SLC7A10: variants seen among roughly 807,000 people sequenced by gnomAD.
SLC7A10 encodes the protein solute carrier family 7 member 10, also known as asc-type amino acid transporter 1.
SLC7A10 carries 30 observed loss-of-function variants against 52.7 expected under a neutral mutation model. The observed-to-expected ratio is 0.57, with a 90% CI of 0.43 to 0.77. The LOEUF (loss-of-function observed/expected upper bound fraction) is 0.77. Ranked by LOEUF, SLC7A10 falls within the 30% of genes least tolerant of loss-of-function variation. The probability of loss-of-function intolerance (pLI) is 0.00; values close to 1 mark genes in which losing one functional copy is unlikely to be tolerated. For missense variants in SLC7A10, 581 were observed against 698.5 expected (o/e 0.83, Z 1.90); for synonymous variants, 318 against 314.9 (o/e 1.01, Z -0.10).
chr19:33,220,160 C>T (rs1342410432), intron 1 of SLC7A10: 1 of 152,222 alleles, frequency 6.6e-6, no homozygotes, highest in Non-Finnish European at 1.5e-5. Context: ...GGGCAGCACC[C>T]CAAGGAGGTG....
chr19:33,217,343 A>AG (rs1555733542), intron 1 of SLC7A10, among the ~76,000 whole-genome samples: 1 of 152,166 alleles, frequency 6.6e-6, no homozygotes, highest in South Asian at 2.1e-4. Flanking sequence ...GGAAACATTC[A>AG]GGGGGGCCAA....
intron 1 of SLC7A10, among the ~76,000 whole-genome samples, 173 bp downstream of exon 1, chr19:33,225,380 C>T (rs1191841114): frequency 6.6e-6 from 1 of 152,228 alleles, no homozygotes; most frequent in African/African-American, 2.4e-5. Flanking sequence ...AGCTTTGGCA[C>T]CCTGGGCCAG....
At position 33,210,788 on chromosome 19, in the gene SLC7A10, GT is replaced by G. The variant is rs771357516; in HGVS notation, c.1113+13del. On this transcript the variant is annotated intron_variant, in intron 8 of 10. Coordinates refer to ENST00000253188, the MANE Select transcript of SLC7A10 (RefSeq NM_019849.3). This position sits in a 1 kb window ranked among gnomAD's most constrained non-coding sequence, Gnocchi z 5.6. ...TGCCTCCACGCCCTGCCTGGCCCAG[GT>G]CCCCCAACTTACACAGACGAGGAGG... 71 of 1,613,062 alleles carry G rather than the reference GT, an allele frequency of 4.4e-5. No homozygotes were observed. The highest frequency in any genetic ancestry group is 5.7e-5 in the Non-Finnish European group (67 of 1,179,722).
At chr19:33,215,686 G>C in intron 2 of SLC7A10, 83 bp downstream of exon 2, 1 of 1,385,474 alleles carries the variant, frequency 7.2e-7, no homozygotes, top group Non-Finnish European at 9.7e-7. Flanking sequence ...GCCGGAAGCA[G>C]GAGTGGAAAC....
intron 2 of SLC7A10, 46 bp downstream of exon 2, chr19:33,215,723 C>G: frequency 3.3e-6 from 5 of 1,532,896 alleles, no homozygotes; most frequent in Non-Finnish European, 4.4e-6. Context: ...TTGGCCATCC[C>G]ATTCCCAAGA....
rs74443956 is a variant in SLC7A10, at chr19:33,212,254, T to G, written c.788+38A>C. 2.5e-3 allele frequency: 3,930 copies of G among 1,571,796 alleles called. 84 individuals are homozygous for G. In the African/African-American group the frequency reaches 0.047, roughly 19 times the overall value. On this transcript the variant is annotated intron_variant, in intron 5 of 10. Transcript: ENST00000253188. ...AGGCTGCCTGTCCCACCAGAGGGCC[T>G]GGCTGCTTCCCAGGGCCCAGTTGGG...
In SLC7A10 at chr19:33,215,636, C is replaced by A. The variant is rs1044047876; in HGVS notation, c.356+133G>T. Reference sequence around the variant, plus strand: ...CCACACCTTCTCTCCATCCACCCCCCACACCTTCTCTCCATCCACCCCCAC... The same window carrying A: ...CCACACCTTCTCTCCATCCACCCCCAACACCTTCTCTCCATCCACCCCCAC... On this transcript the variant is annotated intron_variant, in intron 2 of 10. Transcript: ENST00000253188. 26 of 858,772 alleles carry A rather than the reference C, an allele frequency of 3.0e-5. 1 individual carries two copies. The highest frequency in any genetic ancestry group is 7.9e-4 in the Middle Eastern group (2 of 2,518). 53.2% of individuals were successfully genotyped at this position (858,772 alleles called of 1,614,324 possible). A position where few individuals can be genotyped will look rare whatever the true frequency, so the allele number is the denominator to read the frequency against.
Position 33,208,936 on chromosome 19 carries a change from T to C in SLC7A10, c.1527A>G (p.Pro509=). ...TGTCTGTGGCAGGCAGCAGGGAGGGTGGGCAGGGGCCATTCTCCTCCTCTT... is the reference window on the plus strand; with the variant it reads ...TGTCTGTGGCAGGCAGCAGGGAGGGCGGGCAGGGGCCATTCTCCTCCTCTT... ...APEEEENGPC[P]PSLLPATDKP... The change falls in exon 11 of 11, where the codon CCA becomes CCG. Residue 509 remains proline (P), a synonymous_variant. Transcript: ENST00000253188. The surrounding 1 kb of genome is among the most constrained non-coding windows in gnomAD (Gnocchi z 4.7). 3.6e-6 allele frequency: 2 copies of C among 549,764 alleles called. No individual in the cohort carries two copies. Among genetic ancestry groups the C allele is most frequent in the Non-Finnish European group, 3.5e-6 (1 of 289,074 alleles). 34.1% of individuals were successfully genotyped at this position (549,764 alleles called of 1,614,324 possible). A position where few individuals can be genotyped will look rare whatever the true frequency, so the allele number is the denominator to read the frequency against.
rs369346768 is a variant in SLC7A10, at chr19:33,211,405, C to T, written c.912+9G>A. 4 of 1,613,670 alleles carry T rather than the reference C, an allele frequency of 2.5e-6. No homozygotes were observed. Among genetic ancestry groups the T allele is most frequent in the Non-Finnish European group, 3.4e-6 (4 of 1,179,916 alleles). ...GCAGGAGCCAGGGACCGAGCAGGGG[C>T]CCACTCACCACAGCCACCGCATTGG... is the stretch of plus-strand genomic sequence containing the variant. On this transcript the variant is annotated intron_variant, in intron 6 of 10. Coordinates refer to ENST00000253188, the MANE Select transcript of SLC7A10 (RefSeq NM_019849.3).
Position 33,225,534 on chromosome 19 carries a change from C to G in SLC7A10, c.151+19G>C. 3 of 1,595,364 alleles carry G rather than the reference C, an allele frequency of 1.9e-6. No individual in the cohort carries two copies. Among genetic ancestry groups the G allele is most frequent in the Non-Finnish European group, 2.5e-6 (3 of 1,178,816 alleles). On this transcript the variant is annotated intron_variant, in intron 1 of 10. Coordinates refer to ENST00000253188, the MANE Select transcript of SLC7A10 (RefSeq NM_019849.3). ...CATTCGGCCTCCGCCCGGCGCCCGC[C>G]CGCCTGGGTCCCGCTCACCGATGAT...
rs1395732532 is a variant in SLC7A10 at position 33,210,625 on chromosome 19, G to A, written c.1114-9C>T. ...ACGGCTGTGGCCCCGCACTGGGAGA[G>A]GACCTGGGGCTGACGGCTGGCCCCT... On this transcript the variant is annotated splice_polypyrimidine_tract_variant and intron_variant, in intron 8 of 10. Transcript: ENST00000253188. This position sits in a 1 kb window ranked among gnomAD's most constrained non-coding sequence, Gnocchi z 5.6. 1.9e-6 allele frequency: 3 copies of A among 1,611,150 alleles called. No individual in the cohort carries two copies. The highest frequency in any genetic ancestry group is 2.5e-6 in the Non-Finnish European group (3 of 1,179,940).
intron 2 of SLC7A10, among the ~76,000 whole-genome samples, chr19:33,214,740 A>G (rs776413598): frequency 4.6e-5 from 7 of 152,184 alleles, no homozygotes; most frequent in Non-Finnish European, 1.0e-4. Context: ...AGTCCTCCCT[A>G]GATGGCGCAC....
At chr19:33,218,003 G>A (rs1974725923) in intron 1 of SLC7A10, 1 of 152,208 alleles carries the variant, frequency 6.6e-6, no homozygotes, top group Admixed American at 6.5e-5. Context: ...GAGCCTTTGA[G>A]TTCCCTCCAT....
chr19:33,221,140 T>TTGC (rs1429925282), intron 1 of SLC7A10: 1 of 152,212 alleles, frequency 6.6e-6, no homozygotes, highest in African/African-American at 2.4e-5. Flanking sequence ...GCAATGCCCT[T>TTGC]AACATAGCTT....
rs958201485 is a variant in SLC7A10 at position 33,224,511 on chromosome 19, C to T, written c.151+1042G>A. On this transcript the variant is annotated intron_variant, in intron 1 of 10. Coordinates refer to ENST00000253188, the MANE Select transcript of SLC7A10 (RefSeq NM_019849.3). ...AAGACCCTGGGTCTGCCCTACTGAG[C>T]CCCCAAACTTTCTCCATCTCCAGGG... 3.9e-5 allele frequency among the ~76,000 whole-genome samples: 6 copies of T among 152,228 alleles called. No individual in the cohort carries two copies. In the East Asian group the frequency reaches 1.2e-3, roughly 29 times the overall value.
rs369527108 is a variant in SLC7A10, at chr19:33,215,813, G to A, written c.312C>T (p.Gly104=). The stretch of plus-strand genomic sequence containing the variant: ...TCTCTGTGACGTAGGCGTAGTCCCC[G>A]CCAGACTTGGGGATGGCGACTCCCA... ...AELGVAIPKS[G]GDYAYVTEIF... is the part of the protein sequence containing the mutation. The change falls in exon 2 of 11, where the codon GGC becomes GGT. Residue 104 remains glycine (G), a synonymous_variant. Transcript: ENST00000253188. 15 of 1,578,428 alleles carry A rather than the reference G, an allele frequency of 9.5e-6. No homozygotes were observed. Among genetic ancestry groups the A allele is most frequent in the South Asian group, 3.5e-5 (3 of 86,182 alleles).
intron 2 of SLC7A10, among the ~76,000 whole-genome samples, chr19:33,213,286 CTTTT>C (rs1441494108): frequency 2.1e-5 from 3 of 144,412 alleles, no homozygotes; most frequent in Admixed American, 2.0e-4. Context: ...CTTTTCTTTT[CTTTT>C]TTCTTTTTTT....
rs1042055856 is a variant in SLC7A10 at position 33,225,829 on chromosome 19, C to G, written c.-126G>C. 21 of 1,141,076 alleles carry G rather than the reference C, an allele frequency of 1.8e-5. No individual in the cohort carries two copies. Among genetic ancestry groups the G allele is most frequent in the Non-Finnish European group, 2.3e-5 (21 of 899,932 alleles). The allele number at this position is 1,141,076 out of a possible 1,614,324, so 70.7% of individuals were successfully genotyped here. A position where few individuals can be genotyped will look rare whatever the true frequency, so the allele number is the denominator to read the frequency against. ...GACAGCGCCCACAGGCGGGCGCATGCGCTGGCTCCGGGCCCGGGACTGGGG... is the reference window on the plus strand; with the variant it reads ...GACAGCGCCCACAGGCGGGCGCATGGGCTGGCTCCGGGCCCGGGACTGGGG... On this transcript the variant is annotated 5_prime_UTR_variant, in exon 1 of 11. Coordinates refer to ENST00000253188, the MANE Select transcript of SLC7A10 (RefSeq NM_019849.3).
rs556143742 is a variant in SLC7A10 at position 33,217,493 on chromosome 19, A to T, written c.152-1520T>A. 4.6e-5 allele frequency among the ~76,000 whole-genome samples: 7 copies of T among 152,342 alleles called. No homozygotes were observed. The East Asian group carries it at 9.6e-4, about 21-fold the overall frequency. On this transcript the variant is annotated intron_variant, in intron 1 of 10. Transcript: ENST00000253188. The stretch of plus-strand genomic sequence containing the variant: ...CATGAATCCGGTAACTTCACCAGAG[A>T]TCTGCACTAGGGCCTGTCCAAGAAG...
Sources: gnomAD v4.1 joint callset for allele counts (sites outside exome capture counted in the v4.1 genomes callset) on GRCh38, gnomAD v4.1.1 for gene constraint, Gnocchi (gnomAD v3.1) non-coding constraint, MANE v1.5 for transcripts, NCBI Gene and HGNC (gene_info 2026-07-23, HGNC 2026-07-21) for gene names.